The following KLHL18 variants were observed in gnomAD, a reference collection of about 807,000 sequenced individuals.
KLHL18 encodes the protein kelch like family member 18.
Under a neutral mutation model 58.5 loss-of-function variants are expected in KLHL18, and 38 were observed. The ratio of observed to expected loss-of-function variants is 0.65; its 90% CI spans 0.50 to 0.85. KLHL18 has a LOEUF of 0.85. Among genes scored for constraint, KLHL18 ranks in the 40% least tolerant of loss-of-function variants. KLHL18 has a pLI of 0.00. For missense variants in KLHL18, 624 were observed against 778.4 expected, an observed-to-expected ratio of 0.80 and a Z score of 2.36; for synonymous variants, 303 against 301.9, an observed-to-expected ratio of 1.00 and a Z score of -0.04.
chr3:47,342,719 A>G lies in KLHL18; in HGVS notation c.1227A>G (p.Lys409=). The G allele has an allele frequency of 6.2e-7, 1 of 1,613,668 alleles. No individual in the cohort carries two copies. Among genetic ancestry groups the G allele is most frequent in the Non-Finnish European group, 8.5e-7 (1 of 1,179,592 alleles). The stretch of plus-strand genomic sequence containing the variant: ...CTCCTATTTTGACTCTTTCCTGAAG[A>G]TGGACAGTGGTGACCTCGATGAGCT... ...SVETYSPETD[K]WTVVTSMSSN... The change falls in exon 9 of 10, where the codon AAA becomes AAG. Residue 409 remains lysine (K), a splice_region_variant and synonymous_variant. Transcript: ENST00000232766.
chr3:47,341,508 A>G (rs749398279), intron 8 of KLHL18, among the ~76,000 whole-genome samples: 3 of 152,128 alleles, frequency 2.0e-5, no homozygotes, highest in African/African-American at 4.8e-5. Flanking sequence ...CATCTTCCCC[A>G]GGGTTGCAGG....
chr3:47,297,802 T>G (rs1702927826), intron 1 of KLHL18: 3 of 349,894 alleles, frequency 8.6e-6, no homozygotes, highest in Non-Finnish European at 1.7e-5. Flanking sequence ...GGATATAACC[T>G]TCCTTTCTTT....
At chr3:47,337,768 G>A (rs1447316149) in intron 7 of KLHL18, 1 of 152,224 alleles carries the variant, frequency 6.6e-6, no homozygotes, top group Non-Finnish European at 1.5e-5. Context: ...TCCCAAGAAC[G>A]CATTGAGAGT....
intron 3 of KLHL18, among the ~76,000 whole-genome samples, chr3:47,325,619 A>G (rs1001688712): frequency 2.6e-5 from 4 of 152,190 alleles, no homozygotes; most frequent in African/African-American, 7.2e-5. Context: ...TTAAAGCCAC[A>G]GTTCCTGAGG....
chr3:47,283,639 C>T (rs1702549901), intron 1 of KLHL18, among the ~76,000 whole-genome samples: 1 of 152,158 alleles, frequency 6.6e-6, no homozygotes, highest in African/African-American at 2.4e-5. Context: ...CTGCCCCATA[C>T]TGGAAGGCAC....
intron 1 of KLHL18, among the ~76,000 whole-genome samples, chr3:47,285,981 A>C (rs1252083109): frequency 1.3e-5 from 2 of 151,756 alleles, no homozygotes; most frequent in African/African-American, 4.8e-5. Flanking sequence ...CAGAGGCTGC[A>C]GTGAGCCGAG....
intron 1 of KLHL18, among the ~76,000 whole-genome samples, chr3:47,318,958 T>C (rs1703519987): frequency 1.3e-5 from 2 of 152,362 alleles, no homozygotes; most frequent in South Asian, 2.1e-4. Context: ...TCCTGGAGAA[T>C]AGAAAGTTCT....
Position 47,283,041 on chromosome 3 carries a change from G to T in KLHL18, c.76G>T (p.Gly26Cys). The T allele has an allele frequency of 6.2e-7, 1 of 1,602,476 alleles. No homozygotes were observed. Among genetic ancestry groups the T allele is most frequent in the East Asian group, 2.3e-5 (1 of 44,336 alleles). Residue 26 changes from glycine to cysteine, a missense_variant, in exon 1 of 10, where the codon GGC (glycine) becomes TGC (cysteine). Coordinates refer to ENST00000232766, the MANE Select transcript of KLHL18 (RefSeq NM_025010.5). Reference sequence around the variant, plus strand: ...GTCTGAGTTGCCTAGTCGCGGCTACGGCGTCATGGAGGAGATCCGGCGGCA... The same window carrying T: ...GTCTGAGTTGCCTAGTCGCGGCTACTGCGTCATGGAGGAGATCCGGCGGCA... ...SVSELPSRGY[G>C]VMEEIRRQGK...
At chr3:47,340,402 A>G (rs1704081526) in intron 7 of KLHL18, among the ~76,000 whole-genome samples, 170 bp from the exon 8 acceptor site, 1 of 152,158 alleles carries the variant, frequency 6.6e-6, no homozygotes, top group South Asian at 2.1e-4. Context: ...GGGGCACAAG[A>G]GGAATGATGG....
At chr3:47,297,830 T>C (rs1702928463) in intron 1 of KLHL18, among the ~76,000 whole-genome samples, 1 of 152,148 alleles carries the variant, frequency 6.6e-6, no homozygotes, top group South Asian at 2.1e-4. Flanking sequence ...ATATTCAGCC[T>C]GGATGGAGAG....
chr3:47,333,446 T>C (rs1703914531), intron 5 of KLHL18, 129 bp downstream of exon 5: 2 of 892,146 alleles, frequency 2.2e-6, no homozygotes, highest in African/African-American at 3.4e-5. Context: ...CACAGATTGG[T>C]CTGCCCTCTG....
intron 1 of KLHL18, among the ~76,000 whole-genome samples, chr3:47,319,299 AG>A (rs1470817442): frequency 6.6e-5 from 10 of 152,360 alleles, no homozygotes; most frequent in African/African-American, 2.4e-4. Context: ...AAAGTGTTAC[AG>A]GAATCAGGTA....
intron 3 of KLHL18, among the ~76,000 whole-genome samples, chr3:47,327,734 C>T (rs991546029): frequency 9.2e-5 from 14 of 152,146 alleles, no homozygotes; most frequent in African/African-American, 3.1e-4. Context: ...CAAGCTCAGG[C>T]TGGAATGAAA....
intron 2 of KLHL18, among the ~76,000 whole-genome samples, chr3:47,320,113 T>G (rs563069214): frequency 6.6e-6 from 1 of 152,088 alleles, no homozygotes; most frequent in East Asian, 1.9e-4. Context: ...GGGCTAGTCA[T>G]TTTAGCTGAC....
intron 1 of KLHL18, among the ~76,000 whole-genome samples, chr3:47,313,232 A>G (rs979875815): frequency 1.7e-5 from 2 of 117,072 alleles, no homozygotes; most frequent in Admixed American, 8.9e-5. Flanking sequence ...TTTTTTTTTT[A>G]ATAGAGAAAG....
chr3:47,306,574 T>C (rs1703152932), intron 1 of KLHL18, among the ~76,000 whole-genome samples: 1 of 152,238 alleles, frequency 6.6e-6, no homozygotes, highest in Non-Finnish European at 1.5e-5. Context: ...TTTTCTGCTT[T>C]TCTGAATAGT....
chr3:47,298,695 C>T (rs1240260139), intron 1 of KLHL18, among the ~76,000 whole-genome samples: 1 of 152,154 alleles, frequency 6.6e-6, no homozygotes, highest in African/African-American at 2.4e-5. Flanking sequence ...CATGTGCCAC[C>T]TTTTATAGTC....
chr3:47,339,965 A>T (rs1157918674), intron 7 of KLHL18, among the ~76,000 whole-genome samples: 1 of 152,132 alleles, frequency 6.6e-6, no homozygotes. Flanking sequence ...CAGGAAGATC[A>T]ATTGAGCACA....
chr3:47,339,089 CCT>C (rs1362447530), intron 7 of KLHL18, among the ~76,000 whole-genome samples: 1 of 152,106 alleles, frequency 6.6e-6, no homozygotes, highest in African/African-American at 2.4e-5. Context: ...CTGAGGCAGG[CCT>C]CTCTCTGGGC....
Sources: gnomAD v4.1 joint callset for allele counts (sites outside exome capture counted in the v4.1 genomes callset) on GRCh38, gnomAD v4.1.1 for gene constraint, MANE v1.5 for transcripts, NCBI Gene and HGNC (gene_info 2026-07-23, HGNC 2026-07-21) for gene names.